BAZ2B: variants seen among roughly 807,000 people sequenced by gnomAD.
BAZ2B encodes bromodomain adjacent to zinc finger domain protein 2B.
BAZ2B carries 91 observed loss-of-function variants against 246.0 expected under a neutral mutation model. The ratio of observed to expected loss-of-function variants is 0.37; its 90% CI spans 0.31 to 0.44. BAZ2B has a LOEUF of 0.44. Among genes scored for constraint, BAZ2B ranks in the 20% least tolerant of loss-of-function variants. The pLI, the probability that BAZ2B is intolerant of heterozygous loss-of-function variation, is 1.00. For missense variants in BAZ2B, 2,332 were observed against 2,533.7 expected, an observed-to-expected ratio of 0.92 and a Z score of 1.71; for synonymous variants, 855 against 860.0, an observed-to-expected ratio of 0.99 and a Z score of 0.10.
intron 21 of BAZ2B, 61 bp downstream of exon 21, chr2:159,389,284 G>C: frequency 1.4e-6 from 2 of 1,459,778 alleles, no homozygotes; most frequent in Non-Finnish European, 1.8e-6. Context: ...AAAGAAATCA[G>C]GTAAGAAAAC....
chr2:159,505,065 T>C (rs987485261), intron 2 of BAZ2B, among the ~76,000 whole-genome samples: 4 of 152,192 alleles, frequency 2.6e-5, no homozygotes, highest in African/African-American at 9.6e-5. Flanking sequence ...GAAAATGACT[T>C]ATGCAATATC....
chr2:159,686,898 T>C, the BAZ2B span, among the ~76,000 whole-genome samples: 7 of 151,990 alleles, frequency 4.6e-5, no homozygotes, highest in South Asian at 2.1e-4. Context: ...AAAAATTAGC[T>C]GGGCATGGTG....
intron 2 of BAZ2B, among the ~76,000 whole-genome samples, chr2:159,491,720 CAAAAAAAA>C (rs773067675): frequency 5.1e-4 from 15 of 29,558 alleles, no homozygotes; most frequent in African/African-American, 1.7e-3. Flanking sequence ...GACTCCGTCT[CAAAAAAAA>C]AAAAAAAAAA....
At chr2:159,335,002 C>A (rs1283838658) in intron 33 of BAZ2B, among the ~76,000 whole-genome samples, 2 of 152,032 alleles carry the variant, frequency 1.3e-5, no homozygotes, top group Admixed American at 1.3e-4. Context: ...CAGCCTCGAA[C>A]TCTTGGGCTC....
chr2:159,613,930 T>C (rs1456742187), intron 1 of BAZ2B, among the ~76,000 whole-genome samples: 1 of 152,176 alleles, frequency 6.6e-6, no homozygotes, highest in Non-Finnish European at 1.5e-5. Context: ...ACTTACCATA[T>C]AGAACATAAA....
chr2:159,337,534 T>A, intron 32 of BAZ2B, 33 bp downstream of exon 32: 1 of 1,614,054 alleles, frequency 6.2e-7, no homozygotes, highest in Non-Finnish European at 8.5e-7. Context: ...CAGTTTGATC[T>A]GAATGGTGGT....
chr2:159,633,887 G>A, the BAZ2B span, among the ~76,000 whole-genome samples: 14 of 151,860 alleles, frequency 9.2e-5, no homozygotes, highest in East Asian at 2.7e-3. Context: ...TTACCAGAAC[G>A]TACCACCACA....
chr2:159,374,102 G>T (rs1176676198), intron 26 of BAZ2B, among the ~76,000 whole-genome samples: 1 of 139,690 alleles, frequency 7.2e-6, no homozygotes, highest in African/African-American at 2.7e-5. Context: ...TAGAGACAGG[G>T]TCTCGCCATA....
chr2:159,684,855 T>C, the BAZ2B span, among the ~76,000 whole-genome samples: 1 of 152,214 alleles, frequency 6.6e-6, no homozygotes, highest in African/African-American at 2.4e-5. Context: ...TAGTAACCTT[T>C]TCATATATCA....
rs35387556 is a variant in BAZ2B at position 159,344,534 on chromosome 2, C to CAAA, written c.5454+2949_5454+2951dup. The stretch of plus-strand genomic sequence containing the variant: ...GGGCAACAAGAGTGAAACTCCGTCT[C>CAAA]AAAAAAAAAAAAAGAAAAGAAAAGA... On this transcript the variant is annotated intron_variant, in intron 31 of 36. Coordinates refer to ENST00000392783, the MANE Select transcript of BAZ2B (RefSeq NM_013450.4). Among the ~76,000 whole-genome samples, 574 of 137,918 alleles carry CAAA rather than the reference C, an allele frequency of 4.2e-3. 3 individuals are homozygous for CAAA. Among genetic ancestry groups the CAAA allele is most frequent in the Middle Eastern group, 7.2e-3 (2 of 278 alleles). 90.5% of individuals were successfully genotyped at this position (137,918 alleles called of 152,430 possible). A position where few individuals can be genotyped will look rare whatever the true frequency, so the allele number is the denominator to read the frequency against.
chr2:159,615,789 G>A (rs1386130201), intron 1 of BAZ2B: 2 of 152,344 alleles, frequency 1.3e-5, no homozygotes, highest in African/African-American at 4.8e-5. Flanking sequence ...GAAGCCGAAG[G>A]GGAAGAGGAA....
chr2:159,420,437 G>A (rs538196086), intron 13 of BAZ2B, among the ~76,000 whole-genome samples: 1 of 152,254 alleles, frequency 6.6e-6, no homozygotes, highest in African/African-American at 2.4e-5. Flanking sequence ...AACATTTTCA[G>A]AGTCATTTTA....
intron 34 of BAZ2B, among the ~76,000 whole-genome samples, chr2:159,330,390 T>C (rs11675128): frequency 0.67 from 101,870 of 152,062 alleles, 35,603 homozygotes; most frequent in Admixed American, 0.77. Context: ...GTATGGTATC[T>C]TAGAAGTCAA....
rs140636677 is a variant in BAZ2B at position 159,574,842 on chromosome 2, C to T, written c.-45-18977G>A. Among the ~76,000 whole-genome samples the T allele has an allele frequency of 7.9e-5, 12 of 151,928 alleles. No homozygotes were observed. In the East Asian group the frequency reaches 1.4e-3, roughly 17 times the overall value. On this transcript the variant is annotated intron_variant, in intron 1 of 36. Coordinates refer to ENST00000392783, the MANE Select transcript of BAZ2B (RefSeq NM_013450.4). ...AAAATTAGCTGGGCATGGTGGCATG[C>T]GCCTGTAATCCCAGCTACTCAAGAA...
At chr2:159,565,543 C>T (rs374862411) in intron 1 of BAZ2B, among the ~76,000 whole-genome samples, 4 of 152,040 alleles carry the variant, frequency 2.6e-5, no homozygotes, top group African/African-American at 9.7e-5. Context: ...CTTTGGGTGG[C>T]CAAGGCGGGG....
chr2:159,537,771 ATTC>A (rs1436773478), intron 2 of BAZ2B, among the ~76,000 whole-genome samples: 1 of 152,118 alleles, frequency 6.6e-6, no homozygotes, highest in African/African-American at 2.4e-5. Flanking sequence ...GTTGGTATTC[ATTC>A]TTCTCCTGTT....
At chr2:159,589,678 T>C (rs1366129019) in intron 1 of BAZ2B, among the ~76,000 whole-genome samples, 1 of 152,224 alleles carries the variant, frequency 6.6e-6, no homozygotes, top group Non-Finnish European at 1.5e-5. Flanking sequence ...ATTTCATTTA[T>C]ATTTATTAGT....
chr2:159,325,064 A>ATATATATATAT, intron 35 of BAZ2B, 110 bp from the exon 36 acceptor site: 2 of 1,780 alleles, frequency 1.1e-3, no homozygotes, highest in African/African-American at 3.7e-3. Flanking sequence ...TATATATTAT[A>ATATATATATAT]TATATATATA....
intron 2 of BAZ2B, among the ~76,000 whole-genome samples, chr2:159,500,807 A>C (rs2081619439): frequency 6.6e-6 from 1 of 151,882 alleles, no homozygotes; most frequent in Non-Finnish European, 1.5e-5. Context: ...TACAAAAATT[A>C]GCTGGATGTG....
Sources: gnomAD v4.1 joint callset for allele counts (sites outside exome capture counted in the v4.1 genomes callset) on GRCh38, gnomAD v4.1.1 for gene constraint, MANE v1.5 for transcripts, NCBI Gene and HGNC (gene_info 2026-07-23, HGNC 2026-07-21) for gene names.